The following PLSCR4 variants were observed in gnomAD, a reference collection of about 807,000 sequenced individuals.
PLSCR4 encodes the protein Ca(2+)-dependent phospholipid scramblase 4.
A neutral mutation model predicts 36.3 loss-of-function variants in PLSCR4; 25 were observed. The ratio of observed to expected loss-of-function variants is 0.69; its 90% confidence interval spans 0.50 to 0.96. PLSCR4 has a LOEUF of 0.96. Ranked by LOEUF, PLSCR4 falls within the 40% of genes least tolerant of loss-of-function variation. PLSCR4 has a pLI of 0.00. For synonymous variants in PLSCR4, 122 were observed against 132.9 expected, an observed-to-expected ratio of 0.92 and a Z score of 0.56; for missense variants, 408 against 414.7, an observed-to-expected ratio of 0.98 and a Z score of 0.14.
intron 4 of PLSCR4, among the ~76,000 whole-genome samples, chr3:146,204,806 G>T (rs568910018): frequency 2.0e-4 from 30 of 151,998 alleles, no homozygotes; most frequent in Non-Finnish European, 4.3e-4. Context: ...ATAGAAATGA[G>T]ACTTTCTAAA....
At chr3:146,226,654 GA>G (rs1242237116) in intron 1 of PLSCR4, among the ~76,000 whole-genome samples, 2 of 152,134 alleles carry the variant, frequency 1.3e-5, no homozygotes, top group Non-Finnish European at 2.9e-5. Context: ...TCCAGGCCTG[GA>G]AATCTCTACT....
At chr3:146,247,395 A>G (rs58797243) in intron 1 of PLSCR4, among the ~76,000 whole-genome samples, 2,471 of 82,158 alleles carry the variant, frequency 0.03, 66 homozygotes, top group African/African-American at 0.061. Flanking sequence ...AATCTGATAT[A>G]TAAAAAAAAA....
At chr3:146,217,778 T>A (rs997400988) in intron 3 of PLSCR4, among the ~76,000 whole-genome samples, 1 of 152,144 alleles carries the variant, frequency 6.6e-6, no homozygotes, top group African/African-American at 2.4e-5. Flanking sequence ...CTGGTGATCA[T>A]TGAGTTTGAG....
chr3:146,194,377 A>C lies in PLSCR4; in HGVS notation c.*34T>G, dbSNP rs760208225. 17 of 1,530,666 alleles carry C rather than the reference A, an allele frequency of 1.1e-5. No homozygotes were observed. The South Asian group carries it at 1.8e-4, about 16-fold the overall frequency. 94.8% of individuals were successfully genotyped at this position (1,530,666 alleles called of 1,614,324 possible). ...CCCAATCCAACTTTTCCATTTTTCA[A>C]AATTAACCATAGTTGATGGCTTGCT... On this transcript the variant is annotated 3_prime_UTR_variant, in exon 9 of 9. Transcript: ENST00000354952.
Position 146,226,126 on chromosome 3 carries a change from G to C in PLSCR4, c.-21-4034C>G, listed in dbSNP as rs1031527403. 2.6e-5 allele frequency among the ~76,000 whole-genome samples: 4 copies of C among 152,222 alleles called. No individual in the cohort carries two copies. The South Asian group carries it at 8.3e-4, about 31-fold the overall frequency. ...TCAGAAAAGGGTTATGTGTAAAGAA[G>C]TGATGAGGGGTGGCTGTTTAGCTGT... is the stretch of plus-strand genomic sequence containing the variant. On this transcript the variant is annotated intron_variant, in intron 1 of 8. Transcript: ENST00000354952.
At chr3:146,217,756 A>G (rs1232279299) in intron 3 of PLSCR4, among the ~76,000 whole-genome samples, 1 of 152,242 alleles carries the variant, frequency 6.6e-6, no homozygotes, top group Non-Finnish European at 1.5e-5. Context: ...GAAGCAAGAT[A>G]ACAAAGTTGG....
At position 146,220,910 on chromosome 3, in the gene PLSCR4, G is replaced by A. The variant is rs1357701101; in HGVS notation, c.23C>T (p.Ala8Val). The A allele has an allele frequency of 2.5e-6, 4 of 1,611,734 alleles. No homozygotes were observed. The highest frequency in any genetic ancestry group is 2.2e-5 in the South Asian group (2 of 90,868). Residue 8 changes from alanine to valine, a missense_variant, in exon 3 of 9, where the codon GCC becomes GTC. Physicochemically the swap from Ala to Val is moderately conservative, Grantham distance 64. Coordinates refer to ENST00000354952, the MANE Select transcript of PLSCR4 (RefSeq NM_020353.3). MSGVVPT[A>V]PEQPAGEMEN... ...CATTTCACCTGCAGGCTGTTCAGGG[G>A]CTGTGGGTACCACACCTTCAGGGGA... is the stretch of plus-strand genomic sequence containing the variant.
In PLSCR4 at chr3:146,218,535, T is replaced by C. The variant is rs536440674; in HGVS notation, c.118+2280A>G. On this transcript the variant is annotated intron_variant, in intron 3 of 8. Coordinates refer to ENST00000354952, the MANE Select transcript of PLSCR4 (RefSeq NM_020353.3). ...TAAAATTAAATACATATTTATGTAA[T>C]TGAACAATTTTTGTTATAAGTATGT... Among the ~76,000 whole-genome samples, 7 of 151,808 alleles carry C rather than the reference T, an allele frequency of 4.6e-5. No individual in the cohort carries two copies. In the East Asian group the frequency reaches 1.3e-3, roughly 29 times the overall value.
At chr3:146,206,361 C>G (rs1195497489) in intron 4 of PLSCR4, among the ~76,000 whole-genome samples, 165 bp downstream of exon 4, 3 of 151,990 alleles carry the variant, frequency 2.0e-5, no homozygotes, top group Non-Finnish European at 2.9e-5. Flanking sequence ...TGCTGTTTCC[C>G]CTTCATATTT....
rs148145737 is a variant in PLSCR4 at position 146,239,898 on chromosome 3, AAAAT to A, written c.-22+11058_-22+11061del. Among the ~76,000 whole-genome samples, 1,019 of 152,314 alleles carry A rather than the reference AAAAT, an allele frequency of 6.7e-3. 10 individuals are homozygous for A. The highest frequency in any genetic ancestry group is 0.024 in the African/African-American group (986 of 41,570). Reference sequence around the variant, plus strand: ...AACTCTATCTCAAAAAAAGAAAAAAAAAATACTTAAATGCAAAAGATAAAGCTAA... The same window carrying A: ...AACTCTATCTCAAAAAAAGAAAAAAAACTTAAATGCAAAAGATAAAGCTAA... On this transcript the variant is annotated intron_variant, in intron 1 of 8. Transcript: ENST00000354952.
At chr3:146,206,478 C>T (rs756498538) in intron 4 of PLSCR4, 48 bp downstream of exon 4, 2 of 1,376,132 alleles carry the variant, frequency 1.5e-6, no homozygotes, top group South Asian at 2.4e-5. Context: ...TTGTTGGATC[C>T]CTATGGTCAC....
At chr3:146,201,176 G>A (rs2078282829) in intron 4 of PLSCR4, 99 bp from the exon 5 acceptor site, 1 of 701,578 alleles carries the variant, frequency 1.4e-6, no homozygotes, top group Non-Finnish European at 2.3e-6. Flanking sequence ...TGCATCAATT[G>A]ATACCAAAAT....
At chr3:146,217,861 T>C (rs2108280864) in intron 3 of PLSCR4, among the ~76,000 whole-genome samples, 1 of 152,294 alleles carries the variant, frequency 6.6e-6, no homozygotes, top group Non-Finnish European at 1.5e-5. Flanking sequence ...CAGACTGACA[T>C]GATCTGTGGA....
chr3:146,244,405 A>C (rs2036266572), intron 1 of PLSCR4, among the ~76,000 whole-genome samples: 1 of 152,040 alleles, frequency 6.6e-6, no homozygotes, highest in South Asian at 2.1e-4. Context: ...TTTTAAACAA[A>C]TTGAGGGTTT....
intron 1 of PLSCR4, among the ~76,000 whole-genome samples, chr3:146,226,904 C>T (rs1309776103): frequency 6.6e-6 from 1 of 152,224 alleles, no homozygotes; most frequent in Non-Finnish European, 1.5e-5. Flanking sequence ...TCACAAGTTT[C>T]AGATACTCGA....
intron 1 of PLSCR4, among the ~76,000 whole-genome samples, chr3:146,247,912 G>A (rs115277223): frequency 1.8e-3 from 273 of 152,210 alleles, no homozygotes; most frequent in African/African-American, 6.2e-3. Context: ...GTGAGCTACC[G>A]CCACCCAGCC....
intron 3 of PLSCR4, among the ~76,000 whole-genome samples, chr3:146,208,162 CA>C (rs1243251535): frequency 6.6e-6 from 1 of 151,970 alleles, no homozygotes; most frequent in African/African-American, 2.4e-5. Flanking sequence ...ACAAAGCAAA[CA>C]AAACACAAAG....
chr3:146,238,929 C>T (rs955193022), intron 1 of PLSCR4, among the ~76,000 whole-genome samples: 3 of 151,936 alleles, frequency 2.0e-5, no homozygotes, highest in Admixed American at 1.3e-4. Flanking sequence ...GGATACAAGA[C>T]CATTATACAA....
At chr3:146,219,742 C>T (rs1369109686) in intron 3 of PLSCR4, among the ~76,000 whole-genome samples, 2 of 152,018 alleles carry the variant, frequency 1.3e-5, no homozygotes, top group African/African-American at 4.8e-5. Context: ...CATGGAAAAA[C>T]CTTGTCTCTA....
Sources: gnomAD v4.1 joint callset for allele counts (sites outside exome capture counted in the v4.1 genomes callset) on GRCh38, gnomAD v4.1.1 for gene constraint, MANE v1.5 for transcripts, NCBI Gene and HGNC (gene_info 2026-07-23, HGNC 2026-07-21) for gene names.